Variants in INPP5A observed in about 807,000 individuals in gnomAD.
INPP5A encodes inositol polyphosphate-5-phosphatase A.
INPP5A carries 14 observed loss-of-function variants against 65.2 expected under a neutral mutation model. The observed-to-expected ratio is 0.21, with a 90% CI of 0.14 to 0.34. The LOEUF is 0.34. Among genes scored for constraint, INPP5A ranks in the 10% least tolerant of loss-of-function variants. The probability of loss-of-function intolerance (pLI) is 1.00; values close to 1 mark genes in which losing one functional copy is unlikely to be tolerated. For synonymous variants in INPP5A, 207 were observed against 208.3 expected (o/e 0.99, Z 0.05); for missense variants, 431 against 545.6 (o/e 0.79, Z 2.09).
At chr10:132,608,010 C>A (rs937846993) in intron 2 of INPP5A, 54 bp downstream of exon 2, 18 of 1,554,066 alleles carry the variant, frequency 1.2e-5, no homozygotes, top group Middle Eastern at 1.7e-4. Context: ...CAATAAGGTG[C>A]CTTTTTGCTT....
chr10:132,780,908 A>C lies in INPP5A; in HGVS notation c.1149A>C (p.Gly383=). Residue 383 remains glycine, a synonymous_variant, in exon 14 of 16, where the codon GGA becomes GGC. Coordinates refer to ENST00000368594, the MANE Select transcript of INPP5A (RefSeq NM_005539.5). ...ACATTGGGCCCAACGTCTGCATGGG[A>C]GACCACAAGGTGACATAGACTGAGG... The part of the protein sequence containing the change: ...YDHIGPNVCM[G]DHKPVFLAFR... 1 of 1,597,814 alleles carries C rather than the reference A, an allele frequency of 6.3e-7. No individual in the cohort carries two copies. The highest frequency in any genetic ancestry group is 8.5e-7 in the Non-Finnish European group (1 of 1,170,940).
intron 8 of INPP5A, among the ~76,000 whole-genome samples, chr10:132,722,968 C>T (rs1290072979): frequency 2.0e-5 from 3 of 152,168 alleles, no homozygotes; most frequent in Admixed American, 6.5e-5. Flanking sequence ...GGGAGGGCAG[C>T]GGGGCTGGCA....
chr10:132,703,033 G>A (rs1043980153), intron 6 of INPP5A, among the ~76,000 whole-genome samples: 6 of 152,116 alleles, frequency 3.9e-5, no homozygotes, highest in Admixed American at 6.5e-5. Context: ...CACCGGGGTT[G>A]GGACTCCCCT....
At chr10:132,548,280 G>A (rs150042515) in intron 1 of INPP5A, among the ~76,000 whole-genome samples, 2,171 of 152,216 alleles carry the variant, frequency 0.014, 24 homozygotes, top group Non-Finnish European at 0.019. Flanking sequence ...GGTAGTCCCC[G>A]GACCGTGGTG....
intron 1 of INPP5A, among the ~76,000 whole-genome samples, chr10:132,572,028 A>T (rs2071347611): frequency 6.6e-6 from 1 of 152,164 alleles, no homozygotes. Flanking sequence ...AGGCCTGCTG[A>T]GTAGCATGCA....
intron 1 of INPP5A, 52 bp from the exon 2 acceptor site, chr10:132,607,863 T>G (rs2071880075): frequency 1.9e-6 from 3 of 1,554,236 alleles, no homozygotes; most frequent in Non-Finnish European, 2.6e-6. Context: ...TGGCTCTGTT[T>G]AGGGCTGTGC....
chr10:132,596,937 ATGTGTGCG>A (rs1269147041), intron 1 of INPP5A, among the ~76,000 whole-genome samples: 7 of 25,372 alleles, frequency 2.8e-4, no homozygotes, highest in Admixed American at 1.2e-3. Context: ...ATGTGCACGC[ATGTGTGCG>A]TGTGTGCACA....
chr10:132,607,326 C>A (rs2071870401), intron 1 of INPP5A, among the ~76,000 whole-genome samples: 1 of 152,166 alleles, frequency 6.6e-6, no homozygotes, highest in Non-Finnish European at 1.5e-5. Context: ...TGTGTGCACG[C>A]CTGTGGCATG....
chr10:132,701,087 G>A (rs1234099998), intron 6 of INPP5A, among the ~76,000 whole-genome samples: 1 of 152,230 alleles, frequency 6.6e-6, no homozygotes, highest in Non-Finnish European at 1.5e-5. Flanking sequence ...CGGCGTGAGG[G>A]TTGTGTGGCA....
chr10:132,646,038 CATGGTACT>C, intron 3 of INPP5A, 70 bp downstream of exon 3: 2 of 983,580 alleles, frequency 2.0e-6, no homozygotes, highest in South Asian at 2.7e-5. Flanking sequence ...GGGGTCTTTT[CATGGTACT>C]ATGATCACCA....
chr10:132,765,893 G>A lies in INPP5A; in HGVS notation c.977+47G>A, dbSNP rs373201160. Reference sequence around the variant, plus strand: ...GGATGAACCCGGCCGGGAAGGTGGCGTCTCCACCCTCCCAGTCTCTGGTGC... The same window carrying A: ...GGATGAACCCGGCCGGGAAGGTGGCATCTCCACCCTCCCAGTCTCTGGTGC... On this transcript the variant is annotated intron_variant, in intron 12 of 15. Coordinates refer to ENST00000368594, the MANE Select transcript of INPP5A (RefSeq NM_005539.5). 69 of 1,100,772 alleles carry A rather than the reference G, an allele frequency of 6.3e-5. No individual in the cohort carries two copies. In the African/African-American group the frequency reaches 6.8e-4, roughly 11 times the overall value. The allele number at this position is 1,100,772 out of a possible 1,614,324, so 68.2% of individuals were successfully genotyped here. A position where few individuals can be genotyped will look rare whatever the true frequency, so the allele number is the denominator to read the frequency against.
intron 8 of INPP5A, among the ~76,000 whole-genome samples, chr10:132,714,698 C>CAG (rs140961349): frequency 0.037 from 5,586 of 152,214 alleles, 142 homozygotes; most frequent in Non-Finnish European, 0.053. Flanking sequence ...TAAACCTAAA[C>CAG]GCATTCCAGA....
intron 12 of INPP5A, 146 bp downstream of exon 12, chr10:132,765,992 A>G: frequency 3.1e-6 from 2 of 654,976 alleles, no homozygotes; most frequent in East Asian, 2.7e-5. Flanking sequence ...GAGTGTGTGT[A>G]CCATACCTGT....
At chr10:132,635,385 G>GTTTTTTTTTTTT (rs1564943179) in intron 2 of INPP5A, among the ~76,000 whole-genome samples, 1 of 40,120 alleles carries the variant, frequency 2.5e-5, no homozygotes, top group Non-Finnish European at 4.8e-5. Flanking sequence ...CCTTTTTAAA[G>GTTTTTTTTTTTT]ATTTTTTTTT....
intron 8 of INPP5A, among the ~76,000 whole-genome samples, chr10:132,720,560 G>A (rs1483717897): frequency 1.3e-5 from 2 of 149,194 alleles, no homozygotes; most frequent in African/African-American, 5.0e-5. Context: ...CTGTCTTCAG[G>A]GTTCTGTGGT....
At chr10:132,761,682 A>T (rs1344602476) in intron 11 of INPP5A, among the ~76,000 whole-genome samples, 5 of 152,140 alleles carry the variant, frequency 3.3e-5, no homozygotes, top group Non-Finnish European at 7.4e-5. Context: ...CGGTGCAGGG[A>T]CCCAGTCGGT....
In INPP5A at chr10:132,710,392, T is replaced by C; in HGVS notation, c.583T>C (p.Trp195Arg). ...CCATGATGCTTCCAATCTGGTCGCCTGGGAAACAAGCCCTTCCGTGTACTC... is the reference window on the plus strand; with the variant it reads ...CCATGATGCTTCCAATCTGGTCGCCCGGGAAACAAGCCCTTCCGTGTACTC... ...LFHDASNLVA[W>R]ETSPSVYSGI... is the part of the protein sequence containing the mutation. The change falls in exon 8 of 16, where the codon TGG becomes CGG. Residue 195 changes from tryptophan (W) to arginine (R), a missense_variant. Physicochemically the swap from Trp to Arg is moderately radical, Grantham distance 101. Transcript: ENST00000368594. 6.2e-7 allele frequency: 1 copy of C among 1,614,180 alleles called. No individual in the cohort carries two copies. The highest frequency in any genetic ancestry group is 8.5e-7 in the Non-Finnish European group (1 of 1,180,036).
chr10:132,759,859 C>T (rs1846699864), intron 11 of INPP5A, among the ~76,000 whole-genome samples: 1 of 152,206 alleles, frequency 6.6e-6, no homozygotes, highest in Non-Finnish European at 1.5e-5. Context: ...CCTGTTCTCC[C>T]TCTTCTTGTT....
intron 4 of INPP5A, among the ~76,000 whole-genome samples, chr10:132,673,398 A>G (rs1449489328): frequency 6.6e-6 from 1 of 152,116 alleles, no homozygotes; most frequent in Non-Finnish European, 1.5e-5. Context: ...AATCCTGGCT[A>G]TGGGAGAAAC....
Sources: allele counts gnomAD v4.1 joint callset (sites outside exome capture counted in the v4.1 genomes callset), GRCh38; gene constraint gnomAD v4.1.1; transcripts MANE v1.5; gene names NCBI Gene and HGNC (gene_info 2026-07-23, HGNC 2026-07-21).